RBBP6: variants seen among roughly 807,000 people sequenced by gnomAD.
RBBP6 encodes the protein E3 ubiquitin-protein ligase RBBP6.
A neutral mutation model predicts 167.7 loss-of-function variants in RBBP6; 25 were observed. The ratio of observed to expected loss-of-function variants is 0.15; its 90% confidence interval spans 0.11 to 0.21. The LOEUF (loss-of-function observed/expected upper bound fraction) is 0.21. Among genes scored for constraint, RBBP6 ranks in the 10% least tolerant of loss-of-function variants. RBBP6 has a pLI of 1.00. For missense variants in RBBP6, 1,868 were observed against 2,134.2 expected (o/e 0.88, Z 2.46); for synonymous variants, 789 against 735.8 (o/e 1.07, Z -1.17).
chr16:24,551,455 A>G (rs1204974246), intron 3 of RBBP6, among the ~76,000 whole-genome samples: 2 of 151,810 alleles, frequency 1.3e-5, no homozygotes, highest in Non-Finnish European at 3.0e-5. Context: ...TTGCTTTTCT[A>G]AATTTGAGGT....
rs150698835 is a variant in RBBP6, at chr16:24,571,382, A to G, written c.4316A>G (p.Asn1439Ser). ...TTGGACCGTCTGAATGAACAAGGAA[A>G]TTTTAAAAGTCTGTCTCAATCTTCC... Reference protein sequence around the residue: ...SNLDRLNEQGNFKSLSQSSKE... With the variant: ...SNLDRLNEQGSFKSLSQSSKE... Residue 1439 changes from asparagine (N) to serine (S), a missense_variant, in exon 18 of 18, where the codon AAT (asparagine) becomes AGT (serine). By Grantham distance (46) the Asn-to-Ser change is conservative (BLOSUM62 1). Around this residue, in one of 7 missense-constraint regions of RBBP6, gnomAD observed 591 missense variants for 540.5 expected, o/e 1.09. Coordinates refer to ENST00000319715, the MANE Select transcript of RBBP6 (RefSeq NM_006910.5). 150 of 1,614,034 alleles carry G rather than the reference A, an allele frequency of 9.3e-5. No individual in the cohort carries two copies. In the East Asian group the frequency reaches 2.3e-3, roughly 25 times the overall value.
intron 3 of RBBP6, chr16:24,549,335 ATTTT>A: frequency 9.2e-7 from 1 of 1,084,638 alleles, no homozygotes; most frequent in African/African-American, 1.6e-5. Flanking sequence ...TATAGTTAGT[ATTTT>A]GTATGTATGT....
rs1899253703 is a variant in RBBP6 at position 24,568,802 on chromosome 16, A to G, written c.2112A>G (p.Lys704=). ...CAAGAAGTTCATATACTTATTCTAA[A>G]TCAAGATCTGGTTCAACACGTTCAC... ...SYSRSSYTYS[K]SRSGSTRSRS... Residue 704 remains lysine, a synonymous_variant, in exon 17 of 18, where the codon AAA becomes AAG. Transcript: ENST00000319715. The G allele has an allele frequency of 1.2e-6, 2 of 1,614,122 alleles. No individual in the cohort carries two copies. The highest frequency in any genetic ancestry group is 2.7e-5 in the African/African-American group (2 of 74,948).
chr16:24,568,368 T>C (rs529949515), intron 16 of RBBP6, among the ~76,000 whole-genome samples: 13 of 152,340 alleles, frequency 8.5e-5, no homozygotes, highest in Non-Finnish European at 1.9e-4. Flanking sequence ...ACACTTGAAA[T>C]GTGGTTTCTT....
In RBBP6 at chr16:24,569,324, C is replaced by T; in HGVS notation, c.2634C>T (p.Gly878=). The change falls in exon 17 of 18, where the codon GGC becomes GGT. Residue 878 remains glycine (G), a synonymous_variant. Coordinates refer to ENST00000319715, the MANE Select transcript of RBBP6 (RefSeq NM_006910.5). ...TCAGGAATTCTCCCTTCACAAGAGGCCGCAGAGAAGACTATGTTGGTGGGC... is the reference window on the plus strand; with the variant it reads ...TCAGGAATTCTCCCTTCACAAGAGGTCGCAGAGAAGACTATGTTGGTGGGC... ...LNIRNSPFTR[G]RREDYVGGQS... is the part of the protein sequence containing the mutation. 1 of 1,613,314 alleles carries T rather than the reference C, an allele frequency of 6.2e-7. No homozygotes were observed. The highest frequency in any genetic ancestry group is 8.5e-7 in the Non-Finnish European group (1 of 1,179,876).
chr16:24,562,179 T>C lies in RBBP6; in HGVS notation c.1289+18T>C. Reference sequence around the variant, plus strand: ...CCTTTTCGGTAAGCCTGTGTGTTTTTCACTGTTAGAAACCAAATGAGGTCA... The same window carrying C: ...CCTTTTCGGTAAGCCTGTGTGTTTTCCACTGTTAGAAACCAAATGAGGTCA... On this transcript the variant is annotated intron_variant, in intron 10 of 17. Transcript: ENST00000319715. 6.4e-7 allele frequency: 1 copy of C among 1,573,016 alleles called. No homozygotes were observed. The highest frequency in any genetic ancestry group is 8.7e-7 in the Non-Finnish European group (1 of 1,147,490).
At position 24,567,904 on chromosome 16, in the gene RBBP6, T is replaced by C. The variant is rs565961003; in HGVS notation, c.2054+11T>C. ...GCGCTCATTTTCCAGGTTAGTGTTTTGCAAGCCTTCACAACAGAATTACAA... is the reference window on the plus strand; with the variant it reads ...GCGCTCATTTTCCAGGTTAGTGTTTCGCAAGCCTTCACAACAGAATTACAA... On this transcript the variant is annotated intron_variant, in intron 16 of 17. Transcript: ENST00000319715. 1.3e-6 allele frequency: 2 copies of C among 1,593,066 alleles called. No homozygotes were observed. Among genetic ancestry groups the C allele is most frequent in the Admixed American group, 3.4e-5 (2 of 58,792 alleles).
At chr16:24,545,813 G>A (rs1287221886) in intron 1 of RBBP6, among the ~76,000 whole-genome samples, 3 of 152,142 alleles carry the variant, frequency 2.0e-5, no homozygotes, top group Non-Finnish European at 4.4e-5. Context: ...TAACGTTTAG[G>A]GACTAGGAGA....
chr16:24,569,230 C>T lies in RBBP6; in HGVS notation c.2540C>T (p.Ala847Val), dbSNP rs767988268. 5.6e-6 allele frequency: 9 copies of T among 1,613,636 alleles called. No homozygotes were observed. The highest frequency in any genetic ancestry group is 5.1e-6 in the Non-Finnish European group (6 of 1,179,964). The change falls in exon 17 of 18, where the codon GCT (alanine) becomes GTT (valine). Residue 847 changes from alanine (A) to valine (V), a missense_variant. Physicochemically the swap from Ala to Val is moderately conservative, Grantham distance 64. Transcript: ENST00000319715. ...GAAAAATATTATAAAGGTTATGCTG[C>T]TGGAGCACAGCCTAGACCCTCAGCA... The part of the protein sequence containing the change: ...WYEKYYKGYA[A>V]GAQPRPSANR...
chr16:24,557,342 TGGAC>T (rs1468259613), intron 7 of RBBP6, among the ~76,000 whole-genome samples: 1 of 152,166 alleles, frequency 6.6e-6, no homozygotes, highest in African/African-American at 2.4e-5. Flanking sequence ...TTTAATGAAA[TGGAC>T]AGACATGAAA....
rs1164371948 is a variant in RBBP6 at position 24,560,105 on chromosome 16, G to GTTTTTTTTTTTTTTTTTTTTTTTTTTT, written c.847+433_847+434insTTTTTTTTTTTTTTTTTTTTTTTTTTT. ...TATTAACACCTGATTCCTGTAGACAGTTTTTGTTTTTTTTTTTTTTTTTTG... is the reference window on the plus strand; with the variant it reads ...TATTAACACCTGATTCCTGTAGACAGTTTTTTTTTTTTTTTTTTTTTTTTTTTTTTTTGTTTTTTTTTTTTTTTTTTG... On this transcript the variant is annotated intron_variant, in intron 8 of 17. Transcript: ENST00000319715. Among the ~76,000 whole-genome samples the GTTTTTTTTTTTTTTTTTTTTTTTTTTT allele has an allele frequency of 1.5e-5, 2 of 135,014 alleles. 1 individual carries two copies. The allele number at this position is 135,014 out of a possible 152,430, so 88.6% of individuals were successfully genotyped here.
At position 24,571,463 on chromosome 16, in the gene RBBP6, A is replaced by G; in HGVS notation, c.4397A>G (p.Asp1466Gly). The G allele has an allele frequency of 6.2e-7, 1 of 1,612,736 alleles. No homozygotes were observed. Among genetic ancestry groups the G allele is most frequent in the Non-Finnish European group, 8.5e-7 (1 of 1,179,712 alleles). ...HDSTRASSNK[D>G]FTPNRDKKTD... The stretch of plus-strand genomic sequence containing the variant: ...TCCACTCGTGCTTCCTCAAATAAAG[A>G]CTTCACTCCCAATAGAGACAAAAAA... Residue 1466 changes from aspartate (D) to glycine (G), a missense_variant, in exon 18 of 18, where the codon GAC (aspartate) becomes GGC (glycine). By Grantham distance (94) the Asp-to-Gly change is moderately conservative. This residue lies in a region of RBBP6 where 591 missense variants were observed against 540.5 expected (regional missense o/e 1.09). Transcript: ENST00000319715.
chr16:24,568,840 G>A lies in RBBP6; in HGVS notation c.2150G>A (p.Arg717Gln), dbSNP rs752893183. The A allele has an allele frequency of 6.2e-6, 10 of 1,614,018 alleles. No homozygotes were observed. Among genetic ancestry groups the A allele is most frequent in the Non-Finnish European group, 8.5e-6 (10 of 1,180,036 alleles). Reference sequence around the variant, plus strand: ...TCAACACGTTCACGCTCTTATTCTCGATCATTCAGCCGCTCACATTCTCGT... The same window carrying A: ...TCAACACGTTCACGCTCTTATTCTCAATCATTCAGCCGCTCACATTCTCGT... ...SGSTRSRSYS[R>Q]SFSRSHSRSY... Residue 717 changes from arginine (R) to glutamine (Q), a missense_variant, in exon 17 of 18, where the codon CGA becomes CAA. By Grantham distance (43) the Arg-to-Gln change is conservative. Coordinates refer to ENST00000319715, the MANE Select transcript of RBBP6 (RefSeq NM_006910.5).
Position 24,564,048 on chromosome 16 carries a change from CA to C in RBBP6, c.1520+387del, listed in dbSNP as rs1287556665. Among the ~76,000 whole-genome samples the C allele has an allele frequency of 8.6e-5, 13 of 151,986 alleles. No homozygotes were observed. In the East Asian group the frequency reaches 9.7e-4, roughly 11 times the overall value. On this transcript the variant is annotated intron_variant, in intron 13 of 17. Coordinates refer to ENST00000319715, the MANE Select transcript of RBBP6 (RefSeq NM_006910.5). ...TTTTTCTACCCTTAATTTGGATGAT[CA>C]AAGTTTGATTTGAGTACATAAATAC...
In RBBP6 at chr16:24,540,509, G is replaced by A. The variant is rs573109451; in HGVS notation, c.-118G>A. On this transcript the variant is annotated 5_prime_UTR_variant, in exon 1 of 18. Coordinates refer to ENST00000319715, the MANE Select transcript of RBBP6 (RefSeq NM_006910.5). ...GGGGGTATTTAATCTGAGGCCTTAG[G>A]GTCCTTCGGTGTCTTTGAGTGTTTT... The A allele has an allele frequency of 1.9e-6, 2 of 1,039,828 alleles. No homozygotes were observed. Among genetic ancestry groups the A allele is most frequent in the East Asian group, 5.0e-5 (2 of 39,780 alleles). 64.4% of individuals were successfully genotyped at this position (1,039,828 alleles called of 1,614,324 possible).
At chr16:24,555,398 G>A (rs1012499336) in intron 4 of RBBP6, 38 of 452,378 alleles carry the variant, frequency 8.4e-5, no homozygotes, top group African/African-American at 6.9e-4. Flanking sequence ...AGGTTTGAGT[G>A]CCCCCAGAAT....
chr16:24,568,719 C>G, intron 16 of RBBP6, 26 bp from the exon 17 acceptor site: 1 of 1,582,662 alleles, frequency 6.3e-7, no homozygotes, highest in Non-Finnish European at 8.6e-7. Flanking sequence ...TCTCAACTAT[C>G]AACTATTGTT....
chr16:24,549,431 A>G, intron 3 of RBBP6: 1 of 941,078 alleles, frequency 1.1e-6, no homozygotes, highest in Non-Finnish European at 1.3e-6. Context: ...TGTATCACTT[A>G]GTTTTTGTTA....
intron 1 of RBBP6, among the ~76,000 whole-genome samples, chr16:24,545,310 G>T (rs1459534252): frequency 6.6e-6 from 1 of 152,106 alleles, no homozygotes; most frequent in East Asian, 1.9e-4. Context: ...CTGACCTCGT[G>T]ATCCGCCCCC....
Sources: gnomAD v4.1 joint callset for allele counts (sites outside exome capture counted in the v4.1 genomes callset) on GRCh38, gnomAD v4.1.1 for gene constraint, gnomAD v4.1.1 regional missense constraint, MANE v1.5 for transcripts, NCBI Gene and HGNC (gene_info 2026-07-23, HGNC 2026-07-21) for gene names.